The following LRRC4C variants were observed in gnomAD, a reference collection of about 807,000 sequenced individuals.
LRRC4C encodes the protein leucine-rich repeat-containing protein 4C.
A neutral mutation model predicts 33.6 loss-of-function variants in LRRC4C; 5 were observed. The ratio of observed to expected loss-of-function variants is 0.15; its 90% CI spans 0.08 to 0.31. The LOEUF is 0.31. Among genes scored for constraint, LRRC4C ranks in the 10% least tolerant of loss-of-function variants. The pLI is 1.00. For synonymous variants in LRRC4C, 329 were observed against 302.0 expected (o/e 1.09, Z -0.93); for missense variants, 560 against 796.7 (o/e 0.70, Z 3.58).
intron 5 of LRRC4C, among the ~76,000 whole-genome samples, chr11:40,183,752 C>G (rs955241015): frequency 6.6e-6 from 1 of 152,320 alleles, no homozygotes; most frequent in Non-Finnish European, 1.5e-5. Flanking sequence ...TCAGTAAAGG[C>G]CAACTTTACA....
chr11:41,324,465 G>A (rs1489788543), intron 1 of LRRC4C, among the ~76,000 whole-genome samples: 6 of 152,118 alleles, frequency 3.9e-5, no homozygotes, highest in Non-Finnish European at 7.4e-5. Flanking sequence ...TATTTTAGGA[G>A]GAAGAGGAGT....
intron 1 of LRRC4C, among the ~76,000 whole-genome samples, chr11:41,074,176 C>A (rs911528500): frequency 6.6e-6 from 1 of 152,056 alleles, no homozygotes. Flanking sequence ...TAAAGAGAAA[C>A]TCCACAAGAT....
intron 3 of LRRC4C, 99 bp from the exon 4 acceptor site, chr11:40,319,820 A>G (rs1193583848): frequency 1.3e-5 from 2 of 152,192 alleles, no homozygotes; most frequent in African/African-American, 4.8e-5. Flanking sequence ...TTCCCTCAAT[A>G]TAATTTAGTA....
intron 4 of LRRC4C, among the ~76,000 whole-genome samples, chr11:40,266,956 C>G (rs1276568362): frequency 8.1e-6 from 1 of 123,974 alleles, no homozygotes; most frequent in Non-Finnish European, 1.7e-5. Flanking sequence ...CACCCACCCA[C>G]CCACCCACAC....
At chr11:40,316,257 T>C (rs1379328094) in intron 4 of LRRC4C, among the ~76,000 whole-genome samples, 1 of 151,982 alleles carries the variant, frequency 6.6e-6, no homozygotes, top group Non-Finnish European at 1.5e-5. Context: ...TTTTCAGAAA[T>C]AAGTAGAACT....
intron 5 of LRRC4C, among the ~76,000 whole-genome samples, chr11:40,230,519 A>T (rs1163478737): frequency 6.6e-6 from 1 of 152,208 alleles, no homozygotes; most frequent in Non-Finnish European, 1.5e-5. Context: ...CCCAGACTTC[A>T]GTTGGGGTGA....
chr11:40,808,765 T>C (rs1951356688), intron 2 of LRRC4C, among the ~76,000 whole-genome samples: 1 of 152,170 alleles, frequency 6.6e-6, no homozygotes, highest in African/African-American at 2.4e-5. Context: ...CCAAAGTCTC[T>C]TTCTTCAGCA....
Position 40,951,778 on chromosome 11 carries a change from G to A in LRRC4C, c.-495-18055C>T, listed in dbSNP as rs185861261. On this transcript the variant is annotated intron_variant, in intron 1 of 6. Transcript: ENST00000528697. ...AAGAAGATCAGATGTAATATACCTC[G>A]GTAAGACAAGAAGACTAGGAGTAAT... is the stretch of plus-strand genomic sequence containing the variant. Among the ~76,000 whole-genome samples the A allele has an allele frequency of 1.5e-3, 235 of 151,972 alleles. 2 individuals are homozygous for A. The highest frequency in any genetic ancestry group is 5.4e-3 in the African/African-American group (224 of 41,500).
At chr11:40,620,401 C>A (rs994049260) in intron 3 of LRRC4C, among the ~76,000 whole-genome samples, 1 of 151,692 alleles carries the variant, frequency 6.6e-6, no homozygotes, top group Admixed American at 6.6e-5. Flanking sequence ...CATAAACTTC[C>A]CTGAGCCATA....
At chr11:41,290,133 T>C (rs1249892315) in intron 1 of LRRC4C, among the ~76,000 whole-genome samples, 1 of 152,186 alleles carries the variant, frequency 6.6e-6, no homozygotes, top group Non-Finnish European at 1.5e-5. Context: ...AGAGAGACAA[T>C]GGACCACATA....
chr11:40,525,784 C>T (rs1956022822), intron 3 of LRRC4C, among the ~76,000 whole-genome samples: 1 of 151,314 alleles, frequency 6.6e-6, no homozygotes, highest in Admixed American at 6.6e-5. Flanking sequence ...ACATACCAAG[C>T]CAACAATAAA....
At chr11:41,047,060 CA>C (rs527817460) in intron 1 of LRRC4C, among the ~76,000 whole-genome samples, 1 of 151,774 alleles carries the variant, frequency 6.6e-6, no homozygotes, top group Admixed American at 6.6e-5. Context: ...AGGCCACTAC[CA>C]AAAAAATGAT....
At chr11:40,718,147 A>G (rs145240317) in intron 2 of LRRC4C, among the ~76,000 whole-genome samples, 57 of 152,314 alleles carry the variant, frequency 3.7e-4, no homozygotes, top group African/African-American at 1.3e-3. Context: ...AGAATTTCAA[A>G]TAAATTGGTA....
At chr11:40,495,851 A>G (rs1172381966) in intron 3 of LRRC4C, among the ~76,000 whole-genome samples, 1 of 21,590 alleles carries the variant, frequency 4.6e-5, no homozygotes, top group Non-Finnish European at 8.7e-5. Context: ...TTTTTTTTTG[A>G]GAGAGTCTCG....
At chr11:40,533,795 G>A (rs766737055) in intron 3 of LRRC4C, among the ~76,000 whole-genome samples, 3 of 152,098 alleles carry the variant, frequency 2.0e-5, no homozygotes, top group Non-Finnish European at 2.9e-5. Context: ...AGCATAAGTT[G>A]AGGAACCAGT....
chr11:40,726,958 A>C (rs1947316396), intron 2 of LRRC4C, among the ~76,000 whole-genome samples: 1 of 152,178 alleles, frequency 6.6e-6, no homozygotes, highest in South Asian at 2.1e-4. Flanking sequence ...TCTGTACATC[A>C]ATAATTTTGA....
intron 1 of LRRC4C, among the ~76,000 whole-genome samples, chr11:41,034,607 G>GTATATA (rs59350888): frequency 0.031 from 3,014 of 96,546 alleles, 37 homozygotes; most frequent in South Asian, 0.078. Flanking sequence ...ATATGGTGAC[G>GTATATA]TATATATATA....
intron 5 of LRRC4C, among the ~76,000 whole-genome samples, chr11:40,204,227 T>A (rs1862980734): frequency 6.6e-6 from 1 of 152,038 alleles, no homozygotes; most frequent in Admixed American, 6.6e-5. Context: ...CCCCTGCTAG[T>A]CCAGGAAGAT....
intron 1 of LRRC4C, among the ~76,000 whole-genome samples, chr11:41,275,066 C>A (rs926095823): frequency 6.6e-6 from 1 of 152,046 alleles, no homozygotes; most frequent in Non-Finnish European, 1.5e-5. Context: ...AAGAGCCTGG[C>A]ACCTCCTCTC....
Sources: allele counts gnomAD v4.1 joint callset (sites outside exome capture counted in the v4.1 genomes callset), GRCh38; gene constraint gnomAD v4.1.1; transcripts MANE v1.5; gene names NCBI Gene and HGNC (gene_info 2026-07-23, HGNC 2026-07-21).